The following ZNF385D variants were observed in gnomAD, a reference collection of about 807,000 sequenced individuals.
The protein encoded by ZNF385D is zinc finger protein 385D.
Under a neutral mutation model 35.8 loss-of-function variants are expected in ZNF385D, and 15 were observed. The ratio of observed to expected loss-of-function variants is 0.42; its 90% CI spans 0.28 to 0.64. The LOEUF is 0.64. Among genes scored for constraint, ZNF385D ranks in the 30% least tolerant of loss-of-function variants. The probability of loss-of-function intolerance (pLI) is 0.23; values close to 1 mark genes in which losing one functional copy is unlikely to be tolerated. For missense variants in ZNF385D, 474 were observed against 494.6 expected, an observed-to-expected ratio of 0.96 and a Z score of 0.39; for synonymous variants, 212 against 186.8, an observed-to-expected ratio of 1.13 and a Z score of -1.10.
At chr3:21,975,369 A>G (rs1703530160) in intron 3 of ZNF385D, among the ~76,000 whole-genome samples, 1 of 152,086 alleles carries the variant, frequency 6.6e-6, no homozygotes, top group South Asian at 2.1e-4. Flanking sequence ...AATGCAACTC[A>G]TGGAGAGAGA....
intron 1 of ZNF385D, among the ~76,000 whole-genome samples, chr3:21,740,040 A>G (rs2069434871): frequency 6.6e-6 from 1 of 152,220 alleles, no homozygotes; most frequent in Non-Finnish European, 1.5e-5. Flanking sequence ...TACAGAAACT[A>G]GAGTGACCAG....
At chr3:21,445,922 C>T (rs1356429221) in intron 4 of ZNF385D, among the ~76,000 whole-genome samples, 3 of 152,166 alleles carry the variant, frequency 2.0e-5, no homozygotes, top group African/African-American at 4.8e-5. Flanking sequence ...TTTCTTTATG[C>T]TCCTTTGGCT....
chr3:21,620,450 G>A (rs1190204613), intron 2 of ZNF385D, among the ~76,000 whole-genome samples: 4 of 152,064 alleles, frequency 2.6e-5, no homozygotes, highest in Non-Finnish European at 5.9e-5. Context: ...ATTTTCCTTA[G>A]CAGGAAGCTT....
intron 3 of ZNF385D, among the ~76,000 whole-genome samples, chr3:22,118,277 A>G (rs1483190582): frequency 6.6e-6 from 1 of 152,112 alleles, no homozygotes; most frequent in African/African-American, 2.4e-5. Context: ...TAGAGAAAAT[A>G]ACTTTAGTTT....
chr3:21,599,807 C>T (rs1025777338), intron 2 of ZNF385D, among the ~76,000 whole-genome samples: 4 of 152,228 alleles, frequency 2.6e-5, no homozygotes, highest in Non-Finnish European at 4.4e-5. Flanking sequence ...GCAGAGGACA[C>T]TCCTGTTGTA....
At chr3:22,301,150 G>A (rs1013055083) in intron 2 of ZNF385D, among the ~76,000 whole-genome samples, 2 of 152,032 alleles carry the variant, frequency 1.3e-5, no homozygotes, top group Non-Finnish European at 2.9e-5. Flanking sequence ...TGAACCTGGA[G>A]GTCGTTTGTT....
At chr3:22,202,204 T>C (rs564269738) in intron 2 of ZNF385D, among the ~76,000 whole-genome samples, 3 of 152,246 alleles carry the variant, frequency 2.0e-5, no homozygotes, top group Non-Finnish European at 4.4e-5. Context: ...TGATTTCACA[T>C]ACAGCACTTA....
At chr3:22,101,488 C>A (rs1434986097) in intron 3 of ZNF385D, among the ~76,000 whole-genome samples, 1 of 152,012 alleles carries the variant, frequency 6.6e-6, no homozygotes, top group East Asian at 1.9e-4. Flanking sequence ...TAGTAATCAG[C>A]AGATGTAAGG....
chr3:21,931,713 G>A (rs1272064226), intron 3 of ZNF385D, among the ~76,000 whole-genome samples: 1 of 152,124 alleles, frequency 6.6e-6, no homozygotes, highest in Admixed American at 6.5e-5. Flanking sequence ...TTGACTACAA[G>A]AGACAAGAGG....
chr3:22,189,565 G>C (rs1407010884), intron 2 of ZNF385D, among the ~76,000 whole-genome samples: 5 of 152,076 alleles, frequency 3.3e-5, no homozygotes, highest in Non-Finnish European at 7.4e-5. Context: ...AAAAAGGAAG[G>C]TTCAATATTA....
chr3:22,250,169 A>G (rs1699991085), intron 2 of ZNF385D, among the ~76,000 whole-genome samples: 1 of 152,130 alleles, frequency 6.6e-6, no homozygotes, highest in Non-Finnish European at 1.5e-5. Flanking sequence ...ATGTAGCAAA[A>G]CACAGTGCTA....
intron 3 of ZNF385D, among the ~76,000 whole-genome samples, chr3:21,865,782 C>T (rs1376700200): frequency 1.3e-5 from 2 of 152,044 alleles, no homozygotes; most frequent in Non-Finnish European, 1.5e-5. Flanking sequence ...AATTCAAGCA[C>T]CAGTAATTGA....
At chr3:22,213,060 T>C (rs1452970907) in intron 2 of ZNF385D, among the ~76,000 whole-genome samples, 4 of 152,088 alleles carry the variant, frequency 2.6e-5, no homozygotes, top group Non-Finnish European at 5.9e-5. Flanking sequence ...TGTGGAAGTT[T>C]ATAAGTCACA....
chr3:22,068,512 AC>A (rs1458285605), intron 3 of ZNF385D, among the ~76,000 whole-genome samples: 1 of 152,076 alleles, frequency 6.6e-6, no homozygotes, highest in Non-Finnish European at 1.5e-5. Context: ...AATTCACTTT[AC>A]CAATTTAAAA....
chr3:21,826,218 C>G (rs907950107), intron 3 of ZNF385D, among the ~76,000 whole-genome samples: 1 of 152,172 alleles, frequency 6.6e-6, no homozygotes, highest in East Asian at 1.9e-4. Context: ...ATAGACTAAA[C>G]TGTTGAAGGC....
Position 22,120,576 on chromosome 3 carries a change from C to G in ZNF385D, c.325+48241G>C, listed in dbSNP as rs537355637. On this transcript the variant is annotated intron_variant, in intron 3 of 5. Coordinates refer to the ZNF385D transcript ENST00000494108. ...CACTTAAATATTTCAGCTTTGAGTTCAGACCACCATAGTCTGAATTCCATC... is the reference window on the plus strand; with the variant it reads ...CACTTAAATATTTCAGCTTTGAGTTGAGACCACCATAGTCTGAATTCCATC... 7.2e-5 allele frequency among the ~76,000 whole-genome samples: 11 copies of G among 152,254 alleles called. No homozygotes were observed. In the South Asian group the frequency reaches 2.1e-3, roughly 29 times the overall value.
intron 1 of ZNF385D, among the ~76,000 whole-genome samples, chr3:21,675,254 C>G (rs1052487830): frequency 6.6e-6 from 1 of 152,018 alleles, no homozygotes; most frequent in African/African-American, 2.4e-5. Context: ...TTATTAACAT[C>G]TTTTCCTCTA....
intron 2 of ZNF385D, among the ~76,000 whole-genome samples, chr3:21,608,376 C>T (rs1381196611): frequency 6.6e-6 from 1 of 152,064 alleles, no homozygotes; most frequent in Non-Finnish European, 1.5e-5. Flanking sequence ...TTGTTAGCTA[C>T]TAAACCATAA....
chr3:22,102,893 A>AG (rs1404979175), intron 3 of ZNF385D, among the ~76,000 whole-genome samples: 3 of 139,298 alleles, frequency 2.2e-5, no homozygotes, highest in Admixed American at 7.1e-5. Flanking sequence ...TGAATTTATC[A>AG]GGGAAAAAAA....
Sources: allele counts gnomAD v4.1 joint callset (sites outside exome capture counted in the v4.1 genomes callset), GRCh38; gene constraint gnomAD v4.1.1; transcripts MANE v1.5; gene names NCBI Gene and HGNC (gene_info 2026-07-23, HGNC 2026-07-21).